OCA2: variants seen among roughly 807,000 people sequenced by gnomAD.
The protein encoded by OCA2 is P protein.
A neutral mutation model predicts 100.2 loss-of-function variants in OCA2; 77 were observed. That is an observed-to-expected ratio of 0.77 (90% CI 0.64 to 0.93). OCA2 has a LOEUF of 0.93. Among genes scored for constraint, OCA2 ranks in the 40% least tolerant of loss-of-function variants. The pLI is 0.00. For synonymous variants in OCA2, 432 were observed against 439.2 expected (o/e 0.98, Z 0.21); for missense variants, 1,062 against 1,089.1 (o/e 0.98, Z 0.35).
the OCA2 span, among the ~76,000 whole-genome samples, chr15:27,730,463 G>A: frequency 2.0e-5 from 3 of 152,054 alleles, no homozygotes; most frequent in Non-Finnish European, 2.9e-5. Flanking sequence ...TTTTATGGAG[G>A]TTTCACTGGG....
At chr15:27,821,646 GCA>G (rs971948045) in intron 23 of OCA2, among the ~76,000 whole-genome samples, 1 of 110,066 alleles carries the variant, frequency 9.1e-6, no homozygotes, top group African/African-American at 3.1e-5. Context: ...ACACAAGTGT[GCA>G]CACAGACACA....
chr15:27,990,691 G>T, intron 9 of OCA2, 44 bp from the exon 10 acceptor site: 1 of 1,554,840 alleles, frequency 6.4e-7, no homozygotes, highest in Non-Finnish European at 8.9e-7. Flanking sequence ...GTGCACGAGG[G>T]AGTTAGCACA....
At chr15:27,884,920 T>C (rs556218513) in intron 19 of OCA2, among the ~76,000 whole-genome samples, 1 of 152,302 alleles carries the variant, frequency 6.6e-6, no homozygotes, top group South Asian at 2.1e-4. Flanking sequence ...ACTGCACAGA[T>C]CGGTGGCCAC....
At chr15:27,728,119 A>G in the OCA2 span, among the ~76,000 whole-genome samples, 1 of 152,202 alleles carries the variant, frequency 6.6e-6, no homozygotes. Flanking sequence ...TTAAAAGCCC[A>G]AAATATCATC....
the OCA2 span, among the ~76,000 whole-genome samples, chr15:27,737,199 C>A: frequency 6.6e-6 from 1 of 152,084 alleles, no homozygotes; most frequent in African/African-American, 2.4e-5. Context: ...GAACTTAAAG[C>A]CTAAATAAAA....
At chr15:27,722,802 T>TC in the OCA2 span, among the ~76,000 whole-genome samples, 23 of 39,554 alleles carry the variant, frequency 5.8e-4, no homozygotes, top group Middle Eastern at 0.022. Context: ...CTCTCTCTCT[T>TC]TCTCTCTCTC....
At chr15:27,922,680 G>GTGTGTGTGTGTGTGTGT (rs61038958) in intron 19 of OCA2, among the ~76,000 whole-genome samples, 1 of 147,114 alleles carries the variant, frequency 6.8e-6, no homozygotes, top group Non-Finnish European at 1.5e-5. Context: ...TTTTGTTTGG[G>GTGTGTGTGTGTGTGTGT]GTGTGTGTGT....
intron 2 of OCA2, among the ~76,000 whole-genome samples, chr15:28,044,279 G>A (rs1056830428): frequency 6.6e-6 from 1 of 152,200 alleles, no homozygotes; most frequent in Admixed American, 6.5e-5. Flanking sequence ...AGGTGGCAAC[G>A]CATGCATGAA....
intron 23 of OCA2, among the ~76,000 whole-genome samples, chr15:27,830,770 A>G (rs1438570610): frequency 6.6e-6 from 1 of 152,202 alleles, no homozygotes; most frequent in African/African-American, 2.4e-5. Context: ...CCATGCAGAA[A>G]ACAGGAAACC....
chr15:27,836,941 G>A (rs1382929757), intron 23 of OCA2, among the ~76,000 whole-genome samples: 2 of 152,140 alleles, frequency 1.3e-5, no homozygotes, highest in African/African-American at 4.8e-5. Flanking sequence ...ACAAAATGAG[G>A]TGACAAAAGC....
At chr15:27,743,085 A>G in the OCA2 span, among the ~76,000 whole-genome samples, 3 of 152,228 alleles carry the variant, frequency 2.0e-5, no homozygotes, top group South Asian at 4.1e-4. Context: ...GCTTCTCTGC[A>G]TAGCACATCT....
the OCA2 span, among the ~76,000 whole-genome samples, chr15:27,729,298 T>C: frequency 1.3e-5 from 2 of 150,128 alleles, no homozygotes; most frequent in African/African-American, 2.5e-5. Context: ...TATTTTTTTT[T>C]TTTTTTTTTT....
intron 21 of OCA2, among the ~76,000 whole-genome samples, chr15:27,852,630 C>G (rs537208529): frequency 2.2e-4 from 34 of 151,948 alleles, no homozygotes; most frequent in African/African-American, 8.2e-4. Context: ...TCAGAGTGAA[C>G]AGGCAACCTA....
intron 23 of OCA2, among the ~76,000 whole-genome samples, chr15:27,805,719 C>T (rs1299695837): frequency 6.6e-6 from 1 of 152,112 alleles, no homozygotes; most frequent in African/African-American, 2.4e-5. Context: ...ATGGAGGTGC[C>T]GAGTGCCAGA....
At chr15:28,034,517 T>A (rs765841172) in intron 2 of OCA2, among the ~76,000 whole-genome samples, 1 of 152,002 alleles carries the variant, frequency 6.6e-6, no homozygotes, top group East Asian at 1.9e-4. Flanking sequence ...GGCTCACACA[T>A]GTAATCTCAG....
At chr15:28,002,848 G>T (rs2041970305) in intron 9 of OCA2, among the ~76,000 whole-genome samples, 1 of 152,208 alleles carries the variant, frequency 6.6e-6, no homozygotes, top group Non-Finnish European at 1.5e-5. Context: ...TGGACACCGT[G>T]TGACCCAAGG....
chr15:27,848,679 CA>C (rs1474245603), intron 22 of OCA2, among the ~76,000 whole-genome samples: 1 of 152,242 alleles, frequency 6.6e-6, no homozygotes, highest in Non-Finnish European at 1.5e-5. Flanking sequence ...ATCGAACCTC[CA>C]GGGTAACTCC....
At chr15:27,950,499 T>A (rs368556177) in intron 18 of OCA2, 10 of 514,392 alleles carry the variant, frequency 1.9e-5, no homozygotes, top group African/African-American at 1.9e-4. Flanking sequence ...TCATCAGGAT[T>A]CCAAGCAGAT....
Position 28,004,515 on chromosome 15 carries a change from C to T in OCA2, c.1044+10261G>A, listed in dbSNP as rs925248843. On this transcript the variant is annotated intron_variant, in intron 9 of 23. Transcript: ENST00000354638. The stretch of plus-strand genomic sequence containing the variant: ...CACACACACAGTCACACGCCCTCAC[C>T]TCACATACACGGTCTCACACTCACC... 4.6e-5 allele frequency among the ~76,000 whole-genome samples: 7 copies of T among 151,950 alleles called. No individual in the cohort carries two copies. In the East Asian group the frequency reaches 7.8e-4, roughly 17 times the overall value.
Sources: gnomAD v4.1 joint callset for allele counts (sites outside exome capture counted in the v4.1 genomes callset) on GRCh38, gnomAD v4.1.1 for gene constraint, MANE v1.5 for transcripts, NCBI Gene and HGNC (gene_info 2026-07-23, HGNC 2026-07-21) for gene names.